ANTXR1: variants seen among roughly 807,000 people sequenced by gnomAD.
ANTXR1 encodes anthrax toxin receptor 1.
ANTXR1 carries 19 observed loss-of-function variants against 78.1 expected under a neutral mutation model. The observed-to-expected ratio is 0.24, with a 90% CI of 0.17 to 0.36. The LOEUF is 0.36. ANTXR1 is among the 10% of genes least tolerant of loss of function. ANTXR1 has a pLI of 1.00. For missense variants in ANTXR1, 518 were observed against 718.6 expected (o/e 0.72, Z 3.19); for synonymous variants, 273 against 260.5 (o/e 1.05, Z -0.46).
At chr2:69,124,462 G>C in intron 11 of ANTXR1, 103 bp from the exon 12 acceptor site, 2 of 989,422 alleles carry the variant, frequency 2.0e-6, no homozygotes, top group Non-Finnish European at 3.3e-6. Context: ...CAGTCTCAAG[G>C]GTATTTAAGA....
intron 10 of ANTXR1, among the ~76,000 whole-genome samples, chr2:69,117,566 A>G (rs1310845034): frequency 3.9e-5 from 6 of 152,186 alleles, no homozygotes; most frequent in Non-Finnish European, 7.3e-5. Context: ...GTCTACAAAG[A>G]TGTTAATTTG....
At chr2:69,098,898 A>G (rs2104307023) in intron 9 of ANTXR1, among the ~76,000 whole-genome samples, 1 of 152,346 alleles carries the variant, frequency 6.6e-6, no homozygotes, top group African/African-American at 2.4e-5. Flanking sequence ...AGGCAGGAGA[A>G]TAGCTTTAAC....
intron 3 of ANTXR1, among the ~76,000 whole-genome samples, chr2:69,054,464 C>T (rs1670014420): frequency 6.6e-6 from 1 of 152,164 alleles, no homozygotes; most frequent in African/African-American, 2.4e-5. Context: ...CTTGGAAATA[C>T]TCCTCACAAA....
At chr2:69,096,270 A>G (rs1048130869) in intron 9 of ANTXR1, among the ~76,000 whole-genome samples, 1 of 8,254 alleles carries the variant, frequency 1.2e-4, no homozygotes, top group Non-Finnish European at 1.8e-4. Flanking sequence ...GGAAGGAAGG[A>G]AGGAAGGAAG....
chr2:69,148,142 T>C (rs1673278654), intron 12 of ANTXR1, among the ~76,000 whole-genome samples: 1 of 152,166 alleles, frequency 6.6e-6, no homozygotes, highest in Non-Finnish European at 1.5e-5. Flanking sequence ...CCAGTGTCAC[T>C]GGGTTAAAGC....
intron 12 of ANTXR1, among the ~76,000 whole-genome samples, chr2:69,151,181 A>ATTTT (rs1673382576): frequency 3.8e-5 from 3 of 77,962 alleles, no homozygotes; most frequent in African/African-American, 5.0e-5. Flanking sequence ...ATATCTGATT[A>ATTTT]TTTTCTTTTT....
chr2:69,037,601 C>T (rs1669479955), intron 1 of ANTXR1, among the ~76,000 whole-genome samples: 1 of 152,156 alleles, frequency 6.6e-6, no homozygotes, highest in Non-Finnish European at 1.5e-5. Context: ...TCCTGAGTAG[C>T]TGGGATTACA....
At chr2:69,015,240 A>T (rs1280319423) in intron 1 of ANTXR1, among the ~76,000 whole-genome samples, 2 of 148,798 alleles carry the variant, frequency 1.3e-5, no homozygotes, top group African/African-American at 5.0e-5. Flanking sequence ...TGATGATAAG[A>T]ATTTAACAAA....
intron 13 of ANTXR1, among the ~76,000 whole-genome samples, chr2:69,155,563 G>A (rs538907696): frequency 3.3e-4 from 50 of 152,262 alleles, no homozygotes; most frequent in African/African-American, 9.4e-4. Context: ...ACTTTAAAAA[G>A]AGGAAGACTA....
chr2:69,141,992 T>A (rs1673082503), intron 12 of ANTXR1, among the ~76,000 whole-genome samples: 1 of 152,212 alleles, frequency 6.6e-6, no homozygotes, highest in Non-Finnish European at 1.5e-5. Flanking sequence ...ATTCTTGGAG[T>A]AGTTTTAGTG....
intron 17 of ANTXR1, among the ~76,000 whole-genome samples, chr2:69,217,906 G>A (rs1250631155): frequency 6.6e-6 from 1 of 152,174 alleles, no homozygotes; most frequent in Non-Finnish European, 1.5e-5. Flanking sequence ...TTGTGGATTT[G>A]CTATCCCCAG....
chr2:69,227,941 G>A (rs1675496248), intron 17 of ANTXR1, among the ~76,000 whole-genome samples: 1 of 152,208 alleles, frequency 6.6e-6, no homozygotes, highest in Non-Finnish European at 1.5e-5. Context: ...AGGAAGGCTG[G>A]GAAATGTAGT....
At position 69,124,526 on chromosome 2, in the gene ANTXR1, C is replaced by T. The variant is rs747450057; in HGVS notation, c.873-39C>T. 234 of 1,591,458 alleles carry T rather than the reference C, an allele frequency of 1.5e-4. No homozygotes were observed. In the East Asian group the frequency reaches 4.9e-3, roughly 33 times the overall value. On this transcript the variant is annotated intron_variant, in intron 11 of 17. Coordinates refer to ENST00000303714, the MANE Select transcript of ANTXR1 (RefSeq NM_032208.3). ...GGCTCTCAGCCTGTTGCTCATTGCA[C>T]GCCCTGCTGAGAGTCTGCTTCCCTT...
intron 17 of ANTXR1, among the ~76,000 whole-genome samples, chr2:69,228,437 A>G (rs950874731): frequency 5.9e-5 from 9 of 152,182 alleles, no homozygotes; most frequent in African/African-American, 1.9e-4. Context: ...CTAAAAGCAC[A>G]TGTTGCTCAA....
chr2:69,124,245 G>A (rs1193988972), intron 11 of ANTXR1, among the ~76,000 whole-genome samples: 1 of 152,220 alleles, frequency 6.6e-6, no homozygotes, highest in Non-Finnish European at 1.5e-5. Context: ...CAACTACAAT[G>A]TGACAAGCAA....
At chr2:69,124,107 G>A (rs1198430610) in intron 11 of ANTXR1, among the ~76,000 whole-genome samples, 2 of 152,180 alleles carry the variant, frequency 1.3e-5, no homozygotes, top group African/African-American at 4.8e-5. Context: ...ACTTCTGTGA[G>A]TCTGTTGAAT....
chr2:69,245,489 C>G lies in ANTXR1; in HGVS notation c.*4C>G. 6.2e-7 allele frequency: 1 copy of G among 1,613,410 alleles called. No homozygotes were observed. The highest frequency in any genetic ancestry group is 8.5e-7 in the Non-Finnish European group (1 of 1,179,898). ...TCCTCCAAGGCCTTCTGTCTAGAGC[C>G]CAAAGTTCCTGCTCTGGGCTCTCTC... On this transcript the variant is annotated 3_prime_UTR_variant, in exon 18 of 18. Transcript: ENST00000303714.
chr2:69,231,502 G>A (rs993053425), intron 17 of ANTXR1, among the ~76,000 whole-genome samples: 3 of 152,212 alleles, frequency 2.0e-5, no homozygotes, highest in Non-Finnish European at 4.4e-5. Flanking sequence ...TAGGCAAAGA[G>A]ATGAGTTGCT....
chr2:69,143,183 A>G (rs188303650), intron 12 of ANTXR1, among the ~76,000 whole-genome samples: 303 of 152,336 alleles, frequency 2.0e-3, no homozygotes, highest in Non-Finnish European at 3.0e-3. Context: ...GGAGAAACCA[A>G]TAAAGAGATC....
Sources: gnomAD v4.1 joint callset for allele counts (sites outside exome capture counted in the v4.1 genomes callset) on GRCh38, gnomAD v4.1.1 for gene constraint, MANE v1.5 for transcripts, NCBI Gene and HGNC (gene_info 2026-07-23, HGNC 2026-07-21) for gene names.